NMNAT3: variants seen among roughly 807,000 people sequenced by gnomAD.
The protein encoded by NMNAT3 is nicotinamide nucleotide adenylyltransferase 3.
Under a neutral mutation model 24.8 loss-of-function variants are expected in NMNAT3, and 21 were observed. That is an observed-to-expected ratio of 0.85 (90% confidence interval 0.60 to 1.22). The LOEUF (loss-of-function observed/expected upper bound fraction) is 1.22, where lower values mean the gene tolerates loss of function less well. NMNAT3 is among the 50% of genes most tolerant of loss of function. NMNAT3 has a pLI of 0.00. For missense variants in NMNAT3, 387 were observed against 436.6 expected, an observed-to-expected ratio of 0.89 and a Z score of 1.01; for synonymous variants, 136 against 155.2, an observed-to-expected ratio of 0.88 and a Z score of 0.92.
At chr3:139,599,587 T>C (rs1005821678) in intron 3 of NMNAT3, 62 of 597,268 alleles carry the variant, frequency 1.0e-4, no homozygotes, top group Admixed American at 4.2e-4. Context: ...ACTAAATGGT[T>C]ATGCATGCCT....
chr3:139,642,268 C>T (rs1008235073), intron 1 of NMNAT3, among the ~76,000 whole-genome samples: 8 of 152,166 alleles, frequency 5.3e-5, no homozygotes, highest in Admixed American at 3.3e-4. Context: ...TGTTCAGTGG[C>T]GTGTGGCCCA....
intron 2 of NMNAT3, among the ~76,000 whole-genome samples, chr3:139,632,088 C>T (rs1401214214): frequency 6.6e-6 from 1 of 152,030 alleles, no homozygotes; most frequent in East Asian, 1.9e-4. Flanking sequence ...CATCTTGGTC[C>T]TTTCAACTCC....
At chr3:139,583,652 G>A in intron 3 of NMNAT3, 1 of 939,314 alleles carries the variant, frequency 1.1e-6, no homozygotes. Flanking sequence ...CTGAAGCTAT[G>A]GAAGTAGTTT....
At chr3:139,663,384 C>T (rs1033061542) in intron 1 of NMNAT3, among the ~76,000 whole-genome samples, 11 of 152,206 alleles carry the variant, frequency 7.2e-5, no homozygotes, top group African/African-American at 1.7e-4. Context: ...TTAATGCCCC[C>T]ATGCCACAGA....
At chr3:139,617,308 C>A (rs1004184383) in intron 3 of NMNAT3, among the ~76,000 whole-genome samples, 1 of 152,186 alleles carries the variant, frequency 6.6e-6, no homozygotes, top group Non-Finnish European at 1.5e-5. Context: ...CAACACCCAA[C>A]ACAGGTGGAC....
Position 139,561,357 on chromosome 3 carries a change from C to A in NMNAT3, c.694G>T (p.Val232Phe). 6.2e-7 allele frequency: 1 copy of A among 1,613,936 alleles called. No individual in the cohort carries two copies. Among genetic ancestry groups the A allele is most frequent in the Middle Eastern group, 1.7e-4 (1 of 6,056 alleles). ...TTGGGGGTCTGGAAGGTCTTCAAGA[C>A]GTCTGCCCCACAGAGAAGCTTCAGC... is the stretch of plus-strand genomic sequence containing the variant. The change falls in exon 7 of 7, where the codon GTC becomes TTC. Residue 232 changes from valine to phenylalanine, a missense_variant. Around this residue, in one of 3 missense-constraint regions of NMNAT3, gnomAD observed 323 missense variants for 345.2 expected, o/e 0.94. Coordinates refer to ENST00000643695, the MANE Select transcript of NMNAT3 (RefSeq NM_001320510.2).
intron 1 of NMNAT3, among the ~76,000 whole-genome samples, chr3:139,642,332 G>T (rs927061714): frequency 6.6e-6 from 1 of 152,140 alleles, no homozygotes; most frequent in African/African-American, 2.4e-5. Flanking sequence ...TTTCTCTAAT[G>T]GTGTGTACAC....
rs1038440506 is a variant in NMNAT3 at position 139,627,077 on chromosome 3, C to G, written c.109+539G>C. On this transcript the variant is annotated intron_variant, in intron 3 of 6. Transcript: ENST00000643695. ...TAGAAAGTCAAGCAGGTGAAATATC[C>G]TCAGATTATATATTTCCAGCTGATT... Among the ~76,000 whole-genome samples the G allele has an allele frequency of 2.6e-5, 4 of 152,132 alleles. No individual in the cohort carries two copies. In the East Asian group the frequency reaches 7.7e-4, roughly 29 times the overall value.
chr3:139,577,679 T>C (rs1939539440), intron 5 of NMNAT3: 1 of 152,224 alleles, frequency 6.6e-6, no homozygotes, highest in South Asian at 2.1e-4. Flanking sequence ...TTATTCCTTA[T>C]ATAATTTTCA....
Position 139,665,725 on chromosome 3 carries a change from G to GGAGAGAGAGAGA in NMNAT3, c.-141+11968_-141+11979dup, listed in dbSNP as rs10547665. ...AATAGAATACTATTCATTTGTAACA[G>GGAGAGAGAGAGA]GAGAGAGAGAGAGAGAGAGAGAGAG... On this transcript the variant is annotated intron_variant, in intron 1 of 6. Transcript: ENST00000643695. Among the ~76,000 whole-genome samples, 141 of 139,650 alleles carry GGAGAGAGAGAGA rather than the reference G, an allele frequency of 1.0e-3. 2 individuals are homozygous for GGAGAGAGAGAGA. Among genetic ancestry groups the GGAGAGAGAGAGA allele is most frequent in the African/African-American group, 3.6e-3 (134 of 36,992 alleles). The allele number at this position is 139,650 out of a possible 152,430, so 91.6% of individuals were successfully genotyped here.
intron 1 of NMNAT3, among the ~76,000 whole-genome samples, chr3:139,660,139 C>T (rs1398069152): frequency 1.3e-5 from 2 of 152,164 alleles, no homozygotes; most frequent in African/African-American, 2.4e-5. Flanking sequence ...TGGTCCAGCT[C>T]CTGGGAAGCC....
At chr3:139,645,278 T>C (rs2108368483) in intron 1 of NMNAT3, among the ~76,000 whole-genome samples, 1 of 152,238 alleles carries the variant, frequency 6.6e-6, no homozygotes, top group East Asian at 1.9e-4. Flanking sequence ...AAAGCACCAA[T>C]AGTTTCCTCT....
chr3:139,675,135 T>TACACACACGC (rs1553766855), intron 1 of NMNAT3, among the ~76,000 whole-genome samples: 1 of 148,228 alleles, frequency 6.7e-6, no homozygotes, highest in Non-Finnish European at 1.5e-5. Flanking sequence ...CTTTTAAACA[T>TACACACACGC]ACACACACAC....
chr3:139,596,956 A>T (rs867405482), intron 3 of NMNAT3, among the ~76,000 whole-genome samples: 114 of 84,900 alleles, frequency 1.3e-3, no homozygotes, highest in African/African-American at 2.8e-3. Flanking sequence ...ATATATATAT[A>T]TATATATATT....
At chr3:139,631,523 A>G (rs925159004) in intron 2 of NMNAT3, among the ~76,000 whole-genome samples, 2 of 152,206 alleles carry the variant, frequency 1.3e-5, no homozygotes, top group Non-Finnish European at 2.9e-5. Flanking sequence ...TAAGCATTTA[A>G]TGGAGGCCAG....
intron 1 of NMNAT3, among the ~76,000 whole-genome samples, chr3:139,653,998 C>G (rs934813909): frequency 7.9e-5 from 12 of 152,158 alleles, no homozygotes; most frequent in Non-Finnish European, 1.5e-4. Context: ...CCCTCTTGTC[C>G]CTCAGTGTCC....
At chr3:139,670,624 C>T (rs531979493) in intron 1 of NMNAT3, among the ~76,000 whole-genome samples, 21 of 152,314 alleles carry the variant, frequency 1.4e-4, no homozygotes, top group African/African-American at 4.1e-4. Context: ...AAAGAATACA[C>T]GGATATAACG....
chr3:139,591,607 C>G (rs984911559), intron 3 of NMNAT3, among the ~76,000 whole-genome samples: 7 of 152,198 alleles, frequency 4.6e-5, no homozygotes, highest in African/African-American at 1.2e-4. Flanking sequence ...TCTCCCACCA[C>G]GCAGCTGGAG....
At chr3:139,640,413 T>G (rs1409845754) in intron 1 of NMNAT3, among the ~76,000 whole-genome samples, 2 of 152,202 alleles carry the variant, frequency 1.3e-5, no homozygotes, top group African/African-American at 4.8e-5. Flanking sequence ...GCCTTGTCCT[T>G]AAGTTCTCAC....
Sources: gnomAD v4.1 joint callset for allele counts (sites outside exome capture counted in the v4.1 genomes callset) on GRCh38, gnomAD v4.1.1 for gene constraint, gnomAD v4.1.1 regional missense constraint, MANE v1.5 for transcripts, NCBI Gene and HGNC (gene_info 2026-07-23, HGNC 2026-07-21) for gene names.